Variants in PTPRG observed in about 807,000 individuals in gnomAD.
PTPRG encodes protein tyrosine phosphatase receptor type G, also known as receptor-type tyrosine-protein phosphatase gamma.
In PTPRG, 102 loss-of-function variants were observed where a neutral mutation model predicts 165.3. The observed-to-expected ratio is 0.62, with a 90% CI of 0.53 to 0.73. The LOEUF is 0.73. Ranked by LOEUF, PTPRG falls within the 30% of genes least tolerant of loss-of-function variation. The pLI is 0.00. For missense variants in PTPRG, 1,866 were observed against 1,861.4 expected (o/e 1.00, Z -0.05); for synonymous variants, 675 against 669.5 (o/e 1.01, Z -0.13).
At chr3:62,277,139 A>C in intron 25 of PTPRG, 91 bp downstream of exon 25, 1 of 988,208 alleles carries the variant, frequency 1.0e-6, no homozygotes, top group Non-Finnish European at 1.5e-6. Flanking sequence ...GTCATTTTTG[A>C]AATAATTTCT....
intron 2 of PTPRG, among the ~76,000 whole-genome samples, chr3:61,759,506 A>G (rs1199182797): frequency 2.0e-5 from 3 of 151,944 alleles, no homozygotes. Flanking sequence ...AAATTAAAAA[A>G]TTAGCTGGGC....
At chr3:61,931,336 T>G (rs1199011170) in intron 2 of PTPRG, among the ~76,000 whole-genome samples, 1 of 152,232 alleles carries the variant, frequency 6.6e-6, no homozygotes, top group South Asian at 2.1e-4. Context: ...CAAGTTACTT[T>G]GCTGCCGTTT....
chr3:61,593,674 G>A (rs1700628489), intron 1 of PTPRG, among the ~76,000 whole-genome samples: 2 of 148,832 alleles, frequency 1.3e-5, no homozygotes, highest in African/African-American at 5.0e-5. Flanking sequence ...TTTTTAATGA[G>A]GAGAGAAGTT....
At chr3:61,980,406 G>A (rs1234543638) in intron 2 of PTPRG, among the ~76,000 whole-genome samples, 6 of 152,118 alleles carry the variant, frequency 3.9e-5, no homozygotes, top group African/African-American at 1.4e-4. Context: ...TTCAGAGCTT[G>A]TTTCTTCTTT....
intron 2 of PTPRG, among the ~76,000 whole-genome samples, chr3:61,870,495 TTTTTTTTGTATTTTTAGTAGAGATGGA>T (rs2037537299): frequency 8.0e-6 from 1 of 125,694 alleles, no homozygotes; most frequent in Non-Finnish European, 1.7e-5. Context: ...TTTTTTTTTT[TTTTTTTTGTATTTTTAGTAGAGATGGA>T]TTTTTTTTTT....
intron 2 of PTPRG, among the ~76,000 whole-genome samples, chr3:61,772,825 G>A (rs139699208): frequency 6.6e-5 from 10 of 152,282 alleles, no homozygotes; most frequent in African/African-American, 2.4e-4. Flanking sequence ...TTGTAGGAGA[G>A]ATGGTCAAAA....
chr3:61,802,787 C>G (rs867242261), intron 2 of PTPRG, among the ~76,000 whole-genome samples: 4 of 151,980 alleles, frequency 2.6e-5, no homozygotes, highest in African/African-American at 9.7e-5. Context: ...TATGAGAAGG[C>G]CAGTTAGATT....
intron 2 of PTPRG, among the ~76,000 whole-genome samples, chr3:61,853,742 T>C (rs958166869): frequency 6.6e-6 from 1 of 152,238 alleles, no homozygotes; most frequent in Admixed American, 6.5e-5. Context: ...TGCAGAGTGC[T>C]AGGAAAGTCT....
chr3:62,099,859 C>T (rs985835913), intron 5 of PTPRG, among the ~76,000 whole-genome samples: 45 of 134,502 alleles, frequency 3.3e-4, no homozygotes, highest in Non-Finnish European at 5.3e-4. Flanking sequence ...AGTGCAGTGG[C>T]GCGATCTTGG....
chr3:61,755,025 C>A (rs55763395), intron 2 of PTPRG, among the ~76,000 whole-genome samples: 2,686 of 151,756 alleles, frequency 0.018, 32 homozygotes, highest in Non-Finnish European at 0.027. Flanking sequence ...GGAGTCTTAC[C>A]CTGTTGCCCA....
chr3:62,211,413 G>T (rs1700354205), intron 12 of PTPRG, among the ~76,000 whole-genome samples: 1 of 152,202 alleles, frequency 6.6e-6, no homozygotes, highest in South Asian at 2.1e-4. Flanking sequence ...AAGTTCTGGA[G>T]ATCAGTTGCG....
In PTPRG at chr3:62,146,036, C is replaced by T. The variant is rs538502913; in HGVS notation, c.683-11031C>T. Among the ~76,000 whole-genome samples, 20 of 152,270 alleles carry T rather than the reference C, an allele frequency of 1.3e-4. No homozygotes were observed. The South Asian group carries it at 1.9e-3, about 14-fold the overall frequency. ...AAGGAAGCTAAAAGAATGTACACGT[C>T]GTGTCAGTTATGGCCACCAGAACCC... On this transcript the variant is annotated intron_variant, in intron 6 of 29. Transcript: ENST00000474889.
At chr3:61,726,247 G>A (rs569725338) in intron 1 of PTPRG, among the ~76,000 whole-genome samples, 2 of 152,248 alleles carry the variant, frequency 1.3e-5, no homozygotes, top group Admixed American at 6.5e-5. Context: ...TGGGGCTTCC[G>A]CTTATACTGC....
chr3:61,580,103 A>C (rs1330408924), intron 1 of PTPRG, among the ~76,000 whole-genome samples: 7 of 152,138 alleles, frequency 4.6e-5, no homozygotes, highest in Non-Finnish European at 1.0e-4. Flanking sequence ...GTTATTAGTA[A>C]GGCTTGTGGT....
chr3:61,682,149 CAAAAAAAA>C (rs35398190), intron 1 of PTPRG, among the ~76,000 whole-genome samples: 1 of 96,784 alleles, frequency 1.0e-5, no homozygotes, highest in African/African-American at 4.1e-5. Context: ...ACTCCTGTCT[CAAAAAAAA>C]AAAAAAAAAA....
At chr3:61,832,402 T>A (rs141622601) in intron 2 of PTPRG, among the ~76,000 whole-genome samples, 1 of 152,202 alleles carries the variant, frequency 6.6e-6, no homozygotes, top group African/African-American at 2.4e-5. Context: ...ACTGTGATCA[T>A]CTTCAGAACA....
rs546763326 is a variant in PTPRG, at chr3:61,588,454, C to G, written c.85+26082C>G. 8.1e-5 allele frequency among the ~76,000 whole-genome samples: 12 copies of G among 147,784 alleles called. No individual in the cohort carries two copies. The South Asian group carries it at 2.3e-3, about 28-fold the overall frequency. The stretch of plus-strand genomic sequence containing the variant: ...CGGAGTGATGTTGGCTCACTGCAAC[C>G]TCCACCTCTTGAGTTCAGGCAATTC... On this transcript the variant is annotated intron_variant, in intron 1 of 29. Coordinates refer to ENST00000474889, the MANE Select transcript of PTPRG (RefSeq NM_002841.4).
At chr3:62,049,686 C>G (rs1333295461) in intron 4 of PTPRG, among the ~76,000 whole-genome samples, 5 of 152,130 alleles carry the variant, frequency 3.3e-5, no homozygotes, top group Middle Eastern at 3.2e-3. Flanking sequence ...TCTGGGGAAA[C>G]TTAGACATGT....
chr3:62,002,379 T>A (rs553802850), intron 3 of PTPRG, among the ~76,000 whole-genome samples: 1 of 152,320 alleles, frequency 6.6e-6, no homozygotes, highest in Admixed American at 6.5e-5. Flanking sequence ...GTATATTGTT[T>A]GGCACCTTAC....
Sources: gnomAD v4.1 joint callset for allele counts (sites outside exome capture counted in the v4.1 genomes callset) on GRCh38, gnomAD v4.1.1 for gene constraint, MANE v1.5 for transcripts, NCBI Gene and HGNC (gene_info 2026-07-23, HGNC 2026-07-21) for gene names.